The following STAB2 variants were observed in gnomAD, a reference collection of about 807,000 sequenced individuals.
STAB2 encodes stabilin-2.
Under a neutral mutation model 338.1 loss-of-function variants are expected in STAB2, and 288 were observed. The observed-to-expected ratio is 0.85, with a 90% confidence interval of 0.77 to 0.94. The LOEUF (loss-of-function observed/expected upper bound fraction) is 0.94. STAB2 is among the 40% of genes least tolerant of loss of function. The probability of loss-of-function intolerance (pLI) is 0.00; values close to 1 mark genes in which losing one functional copy is unlikely to be tolerated. For missense variants in STAB2, 3,141 were observed against 3,210.1 expected (o/e 0.98, Z 0.52); for synonymous variants, 1,202 against 1,193.3 (o/e 1.01, Z -0.15).
intron 21 of STAB2, 40 bp from the exon 22 acceptor site, chr12:103,670,656 A>ATG: frequency 1.3e-6 from 2 of 1,494,890 alleles, no homozygotes; most frequent in Non-Finnish European, 1.9e-6. Flanking sequence ...CCTGAGAACT[A>ATG]TGTGTCCTAA....
chr12:103,651,882 C>A (rs1055306331), intron 11 of STAB2, among the ~76,000 whole-genome samples: 1 of 152,186 alleles, frequency 6.6e-6, no homozygotes, highest in Non-Finnish European at 1.5e-5. Flanking sequence ...CCCTCATATA[C>A]CACCACGATT....
At chr12:103,763,781 T>C (rs922255296) in intron 68 of STAB2, 173 bp downstream of exon 68, 27 of 585,116 alleles carry the variant, frequency 4.6e-5, no homozygotes, top group Admixed American at 1.3e-4. Context: ...GTGTGGTTGC[T>C]CAGAGTTCCT....
intron 52 of STAB2, 53 bp from the exon 53 acceptor site, chr12:103,737,581 T>A: frequency 7.5e-7 from 1 of 1,334,274 alleles, no homozygotes. Context: ...TGTTTCTCTC[T>A]CTCTCTCTCT....
chr12:103,592,450 T>G (rs1273289160), intron 2 of STAB2, among the ~76,000 whole-genome samples: 1 of 152,160 alleles, frequency 6.6e-6, no homozygotes, highest in Non-Finnish European at 1.5e-5. Context: ...CAGAAATGTT[T>G]TAGATTTAAT....
rs116345821 is a variant in STAB2, at chr12:103,642,463, T to G, written c.1040+2207T>G. Among the ~76,000 whole-genome samples, 1,038 of 151,852 alleles carry G rather than the reference T, an allele frequency of 6.8e-3. 13 individuals carry two copies. Among genetic ancestry groups the G allele is most frequent in the African/African-American group, 0.023 (970 of 41,434 alleles). On this transcript the variant is annotated intron_variant, in intron 9 of 68. Transcript: ENST00000388887. ...CTAGTGACATTGATGATATTCAGTG[T>G]TTATATAAGATCTGTACAGGTTGGG...
intron 25 of STAB2, among the ~76,000 whole-genome samples, chr12:103,679,510 C>G (rs952050316): frequency 6.6e-6 from 1 of 152,154 alleles, no homozygotes; most frequent in African/African-American, 2.4e-5. Flanking sequence ...GCACACTACA[C>G]CCAGGCAAAT....
Position 103,648,919 on chromosome 12 carries a change from T to C in STAB2, c.1174+96T>C, listed in dbSNP as rs1023118687. ...GATTCAGAAAGGGACAGGCGAGCCT[T>C]GTCTATTAGAATCAGCCTTTTTGGA... On this transcript the variant is annotated intron_variant, in intron 10 of 68. Transcript: ENST00000388887. 2.0e-6 allele frequency: 3 copies of C among 1,515,964 alleles called. No homozygotes were observed. The African/African-American group carries it at 4.2e-5, about 21-fold the overall frequency. The allele number at this position is 1,515,964 out of a possible 1,614,324, so 93.9% of individuals were successfully genotyped here.
intron 3 of STAB2, among the ~76,000 whole-genome samples, chr12:103,597,408 G>A (rs996358645): frequency 6.6e-6 from 1 of 152,138 alleles, no homozygotes; most frequent in Admixed American, 6.5e-5. Flanking sequence ...ACATTCATAT[G>A]TAACACTTCT....
At position 103,611,208 on chromosome 12, in the gene STAB2, A is replaced by T. The variant is rs536747142; in HGVS notation, c.332-9260A>T. Among the ~76,000 whole-genome samples the T allele has an allele frequency of 2.6e-5, 4 of 152,174 alleles. No individual in the cohort carries two copies. In the South Asian group the frequency reaches 8.3e-4, roughly 32 times the overall value. ...TTCTGTAGATGTCTATTAGGTCCGC[A>T]TGGTGCAGAGCTGAGTTCAATTCCT... On this transcript the variant is annotated intron_variant, in intron 3 of 68. Coordinates refer to ENST00000388887, the MANE Select transcript of STAB2 (RefSeq NM_017564.10).
chr12:103,754,823 G>A (rs1271194623), intron 61 of STAB2, among the ~76,000 whole-genome samples: 1 of 151,896 alleles, frequency 6.6e-6, no homozygotes, highest in Non-Finnish European at 1.5e-5. Flanking sequence ...GTGCACACCT[G>A]TAATCCTAGC....
At chr12:103,737,531 T>C (rs973725952) in intron 52 of STAB2, 103 bp from the exon 53 acceptor site, 3 of 1,315,492 alleles carry the variant, frequency 2.3e-6, no homozygotes, top group Admixed American at 5.5e-5. Flanking sequence ...CTGGCCATGT[T>C]ACATGGCTGG....
rs551962943 is a variant in STAB2, at chr12:103,745,118, C to G, written c.6032-55C>G. On this transcript the variant is annotated intron_variant, in intron 56 of 68. Transcript: ENST00000388887. Reference sequence around the variant, plus strand: ...GCATAGCAAACAAGGGGTCAGGGAGCTGGTTGATTGGGTCTCAACCCCTGA... The same window carrying G: ...GCATAGCAAACAAGGGGTCAGGGAGGTGGTTGATTGGGTCTCAACCCCTGA... The G allele has an allele frequency of 1.3e-5, 19 of 1,485,778 alleles. No individual in the cohort carries two copies. The African/African-American group carries it at 1.7e-4, about 13-fold the overall frequency. The allele number at this position is 1,485,778 out of a possible 1,614,324, so 92.0% of individuals were successfully genotyped here. A position where few individuals can be genotyped will look rare whatever the true frequency, so the allele number is the denominator to read the frequency against.
chr12:103,618,811 G>T (rs1420030191), intron 3 of STAB2, among the ~76,000 whole-genome samples: 1 of 152,058 alleles, frequency 6.6e-6, no homozygotes, highest in African/African-American at 2.4e-5. Flanking sequence ...TATTGATATG[G>T]CTTGGCTCTG....
intron 3 of STAB2, among the ~76,000 whole-genome samples, chr12:103,605,092 C>A (rs1205585881): frequency 1.3e-5 from 2 of 151,494 alleles, no homozygotes; most frequent in Admixed American, 6.6e-5. Context: ...TTGATTTATT[C>A]TTTGAAATCG....
chr12:103,698,477 C>T (rs940567767), intron 33 of STAB2, among the ~76,000 whole-genome samples: 14 of 152,214 alleles, frequency 9.2e-5, no homozygotes, highest in African/African-American at 3.4e-4. Context: ...CCACCCCTAG[C>T]TCTGCCCCGG....
chr12:103,737,604 CTCTT>C (rs1882246136), intron 52 of STAB2, 26 bp from the exon 53 acceptor site: 10 of 1,054,156 alleles, frequency 9.5e-6, no homozygotes, highest in African/African-American at 6.6e-5. Context: ...CTCTCTCTTT[CTCTT>C]TTTTTTTTTT....
In STAB2 at chr12:103,766,356, CA is replaced by C; in HGVS notation, c.*21del. ...CTGTGAGGGCCTGGACGGGAGATGC[CA>C]GCCATCACTCACTGCCACCTGGGCC... is the stretch of plus-strand genomic sequence containing the variant. On this transcript the variant is annotated 3_prime_UTR_variant, in exon 69 of 69. Transcript: ENST00000388887. 1 of 1,596,720 alleles carries C rather than the reference CA, an allele frequency of 6.3e-7. No homozygotes were observed. The highest frequency in any genetic ancestry group is 8.5e-7 in the Non-Finnish European group (1 of 1,170,064).
chr12:103,723,150 T>C (rs1218581231), intron 44 of STAB2, among the ~76,000 whole-genome samples: 2 of 151,996 alleles, frequency 1.3e-5, no homozygotes, highest in Non-Finnish European at 2.9e-5. Flanking sequence ...AGGACAGTAA[T>C]TGAGAGTTGA....
intron 26 of STAB2, 41 bp from the exon 27 acceptor site, chr12:103,684,948 T>C: frequency 6.3e-7 from 1 of 1,599,532 alleles, no homozygotes; most frequent in Non-Finnish European, 8.6e-7. Flanking sequence ...GGTCTAACGT[T>C]TTTGTTGGGG....
Sources: gnomAD v4.1 joint callset for allele counts (sites outside exome capture counted in the v4.1 genomes callset) on GRCh38, gnomAD v4.1.1 for gene constraint, MANE v1.5 for transcripts, NCBI Gene and HGNC (gene_info 2026-07-23, HGNC 2026-07-21) for gene names.